MYO1F: variants seen among roughly 807,000 people sequenced by gnomAD.
MYO1F encodes the protein myosin IF.
MYO1F carries 60 observed loss-of-function variants against 146.6 expected under a neutral mutation model. The observed-to-expected ratio is 0.41, with a 90% CI of 0.33 to 0.51. MYO1F has a LOEUF of 0.51. Ranked by LOEUF, MYO1F falls within the 20% of genes least tolerant of loss-of-function variation. MYO1F has a pLI of 0.25. For synonymous variants in MYO1F, 602 were observed against 602.1 expected (o/e 1.00, Z 0.00); for missense variants, 1,274 against 1,534.3 (o/e 0.83, Z 2.83).
At chr19:8,573,653 C>A (rs1449959326) in intron 1 of MYO1F, among the ~76,000 whole-genome samples, 2 of 152,120 alleles carry the variant, frequency 1.3e-5, no homozygotes, top group Admixed American at 1.3e-4. Context: ...AGTTGGAGAC[C>A]AGCCTGGCCA....
intron 1 of MYO1F, among the ~76,000 whole-genome samples, chr19:8,559,525 A>C (rs1249922292): frequency 1.3e-5 from 2 of 152,070 alleles, no homozygotes; most frequent in Non-Finnish European, 2.9e-5. Context: ...ATAAAAAGGA[A>C]GAGGCAGCTC....
intron 1 of MYO1F, among the ~76,000 whole-genome samples, chr19:8,559,265 C>T (rs1041439057): frequency 7.2e-6 from 1 of 139,642 alleles, no homozygotes; most frequent in African/African-American, 2.7e-5. Context: ...TCCACGTGGG[C>T]AACTGTAAGG....
chr19:8,544,114 G>A (rs773911242), intron 14 of MYO1F, 183 bp downstream of exon 14: 8 of 677,168 alleles, frequency 1.2e-5, no homozygotes, highest in Non-Finnish European at 1.3e-5. Flanking sequence ...GGGGTCAGCC[G>A]GAAGGGTCTG....
intron 1 of MYO1F, among the ~76,000 whole-genome samples, chr19:8,567,699 T>G (rs935777056): frequency 3.9e-5 from 6 of 152,200 alleles, no homozygotes; most frequent in Admixed American, 3.9e-4. Context: ...ACAGAGAGGT[T>G]AAGTGTCCTC....
chr19:8,576,910 C>T (rs1175178918), intron 1 of MYO1F: 3 of 322,348 alleles, frequency 9.3e-6, no homozygotes, highest in South Asian at 3.7e-5. Flanking sequence ...GGAACCGGGG[C>T]CAAGAGAGGG....
At chr19:8,568,978 C>T (rs2042060707) in intron 1 of MYO1F, among the ~76,000 whole-genome samples, 1 of 152,014 alleles carries the variant, frequency 6.6e-6, no homozygotes, top group South Asian at 2.1e-4. Context: ...GTCTCTGAAA[C>T]AAGTACAGGA....
In MYO1F at chr19:8,521,154, AGCAAAGTCAC is replaced by A; in HGVS notation, c.*364_*373del. ...TTATTGCCTTAGTGATGACAGAATGAGCAAAGTCACGCTTGTTAAGGACCCCCCCCTCCCC... is the reference window on the plus strand; with the variant it reads ...TTATTGCCTTAGTGATGACAGAATGAGCTTGTTAAGGACCCCCCCCTCCCC... On this transcript the variant is annotated 3_prime_UTR_variant, in exon 28 of 28. Transcript: ENST00000644032. The A allele has an allele frequency of 2.9e-6, 1 of 350,530 alleles. No homozygotes were observed. The highest frequency in any genetic ancestry group is 2.5e-5 in the South Asian group (1 of 40,342). 21.7% of individuals were successfully genotyped at this position (350,530 alleles called of 1,614,324 possible).
chr19:8,532,949 C>CACACACAA (rs1568337800), intron 19 of MYO1F, among the ~76,000 whole-genome samples: 2 of 139,386 alleles, frequency 1.4e-5, no homozygotes, highest in African/African-American at 5.3e-5. Flanking sequence ...CACACACACA[C>CACACACAA]AATTGGGCTT....
Position 8,526,522 on chromosome 19 carries a change from A to G in MYO1F, c.2701T>C (p.Leu901=), listed in dbSNP as rs1312928276. 3 of 1,585,928 alleles carry G rather than the reference A, an allele frequency of 1.9e-6. 1 individual carries two copies. Among genetic ancestry groups the G allele is most frequent in the South Asian group, 2.3e-5 (2 of 86,464 alleles). Residue 901 remains leucine (L), a synonymous_variant, in exon 24 of 28, where the codon TTG becomes CTG. Transcript: ENST00000644032. ...SVTFSRGFGD[L]AVLKVGGRTL... is the part of the protein sequence containing the mutation. The stretch of plus-strand genomic sequence containing the variant: ...CGACCGCCAACCTTGAGCACTGCCA[A>G]GTCGCCGAAGCCGCGGGAGAAGGTG...
intron 23 of MYO1F, 52 bp downstream of exon 23, chr19:8,526,737 T>C (rs1972286577): frequency 6.5e-7 from 1 of 1,542,922 alleles, no homozygotes; most frequent in African/African-American, 1.4e-5. Context: ...CGGGAGAGGG[T>C]GCGCCGCGCC....
intron 1 of MYO1F, among the ~76,000 whole-genome samples, chr19:8,573,449 T>A (rs901386962): frequency 1.3e-5 from 2 of 152,166 alleles, no homozygotes; most frequent in Admixed American, 6.5e-5. Context: ...AATACCATCA[T>A]GACTAGCCAA....
At chr19:8,561,581 TTCCC>T (rs1052250209) in intron 1 of MYO1F, among the ~76,000 whole-genome samples, 45 of 118,726 alleles carry the variant, frequency 3.8e-4, no homozygotes, top group Admixed American at 1.7e-3. Flanking sequence ...CCTTCCTTCC[TTCCC>T]TCCCTCCCTC....
intron 15 of MYO1F, 60 bp from the exon 16 acceptor site, chr19:8,540,088 C>G: frequency 7.1e-7 from 1 of 1,409,088 alleles, no homozygotes; most frequent in Non-Finnish European, 9.9e-7. Flanking sequence ...GGTACTCTTC[C>G]TCCAGGGGTG....
chr19:8,522,820 C>A lies in MYO1F; in HGVS notation c.2864G>T (p.Arg955Leu). ...TCTGGCAGAGGGGGGCACCCCATTGCGATCCATGCCTGTGGCAGGAGCAAG... is the reference window on the plus strand; with the variant it reads ...TCTGGCAGAGGGGGGCACCCCATTGAGATCCATGCCTGTGGCAGGAGCAAG... ...AAPAPPRGMD[R>L]NGVPPSARGG... Residue 955 changes from arginine (R) to leucine (L), a missense_variant, in exon 26 of 28, where the codon CGC becomes CTC. By Grantham distance (102) the Arg-to-Leu change is moderately radical. Coordinates refer to ENST00000644032, the MANE Select transcript of MYO1F (RefSeq NM_012335.4). The A allele has an allele frequency of 6.4e-7, 1 of 1,570,800 alleles. No individual in the cohort carries two copies. Among genetic ancestry groups the A allele is most frequent in the Non-Finnish European group, 8.6e-7 (1 of 1,162,074 alleles).
chr19:8,536,712 G>C (rs1373606744), intron 17 of MYO1F, 115 bp from the exon 18 acceptor site: 14 of 373,770 alleles, frequency 3.7e-5, no homozygotes, highest in Non-Finnish European at 4.8e-6. Flanking sequence ...GCTGAGGGAA[G>C]TTTGGGGGGT....
rs116398083 is a variant in MYO1F at position 8,544,592 on chromosome 19, G to A, written c.1357-128C>T. ...AGGGAGCTAGAGCTTTGGGGGTGGG[G>A]AGGGCACCAGGGGCTTCAAATACAA... On this transcript the variant is annotated intron_variant, in intron 13 of 27. Coordinates refer to ENST00000644032, the MANE Select transcript of MYO1F (RefSeq NM_012335.4). 3.5e-3 allele frequency: 2,879 copies of A among 829,188 alleles called. 71 individuals are homozygous for A. The African/African-American group carries it at 0.044, about 13-fold the overall frequency. The allele number at this position is 829,188 out of a possible 1,614,324, so 51.4% of individuals were successfully genotyped here. A position where few individuals can be genotyped will look rare whatever the true frequency, so the allele number is the denominator to read the frequency against.
rs58638075 is a variant in MYO1F, at chr19:8,546,056, C to CTTT, written c.1270-323_1270-321dup. Among the ~76,000 whole-genome samples the CTTT allele has an allele frequency of 5.2e-3, 497 of 94,876 alleles. 2 individuals carry two copies. Among genetic ancestry groups the CTTT allele is most frequent in the East Asian group, 7.7e-3 (25 of 3,246 alleles). The allele number at this position is 94,876 out of a possible 152,430, so 62.2% of individuals were successfully genotyped here. A position where few individuals can be genotyped will look rare whatever the true frequency, so the allele number is the denominator to read the frequency against. On this transcript the variant is annotated intron_variant, in intron 12 of 27. Transcript: ENST00000644032. ...TGCTCATTAACACACTATTTTGACT[C>CTTT]TTTTTTTTTTTTTTTTTTTTTTTTT...
chr19:8,526,492 G>A lies in MYO1F; in HGVS notation c.2731C>T (p.Leu911Phe). Residue 911 changes from leucine (L) to phenylalanine (F), a missense_variant, in exon 24 of 28, where the codon CTC becomes TTC. Transcript: ENST00000644032. ...AGCCCATCGCCCACGCTGACCGTGA[G>A]GGTCCGACCGCCAACCTTGAGCACT... is the stretch of plus-strand genomic sequence containing the variant. ...LAVLKVGGRT[L>F]TVSVGDGLPK... 6.4e-7 allele frequency: 1 copy of A among 1,571,138 alleles called. No homozygotes were observed. Among genetic ancestry groups the A allele is most frequent in the Non-Finnish European group, 8.6e-7 (1 of 1,158,774 alleles).
intron 22 of MYO1F, 60 bp downstream of exon 22, chr19:8,527,278 A>G (rs1972310069): frequency 6.2e-7 from 1 of 1,610,622 alleles, no homozygotes; most frequent in Non-Finnish European, 8.5e-7. Context: ...GGTCACTAGA[A>G]TGAGGGCAGC....
Sources: allele counts gnomAD v4.1 joint callset (sites outside exome capture counted in the v4.1 genomes callset), GRCh38; gene constraint gnomAD v4.1.1; transcripts MANE v1.5; gene names NCBI Gene and HGNC (gene_info 2026-07-23, HGNC 2026-07-21).